ERBB4: variants seen among roughly 807,000 people sequenced by gnomAD.
ERBB4 encodes the protein erb-b2 receptor tyrosine kinase 4.
ERBB4 carries 42 observed loss-of-function variants against 158.0 expected under a neutral mutation model. The observed-to-expected ratio is 0.27, with a 90% confidence interval of 0.21 to 0.34. ERBB4 has a LOEUF of 0.34. Ranked by LOEUF, ERBB4 falls within the 10% of genes least tolerant of loss-of-function variation. The pLI, the probability that ERBB4 is intolerant of heterozygous loss-of-function variation, is 1.00. For synonymous variants in ERBB4, 583 were observed against 558.7 expected, an observed-to-expected ratio of 1.04 and a Z score of -0.61; for missense variants, 1,333 against 1,624.1, an observed-to-expected ratio of 0.82 and a Z score of 3.08.
intron 13 of ERBB4, 81 bp from the exon 14 acceptor site, chr2:211,673,338 C>T (rs1460937306): frequency 1.4e-5 from 14 of 966,876 alleles, no homozygotes; most frequent in Non-Finnish European, 2.3e-5. Context: ...GCTAAAAGTC[C>T]TATTGGCAGA....
intron 2 of ERBB4, among the ~76,000 whole-genome samples, chr2:212,067,192 T>A (rs2077971762): frequency 6.6e-6 from 1 of 152,022 alleles, no homozygotes; most frequent in African/African-American, 2.4e-5. Flanking sequence ...ATATTTTTAT[T>A]TTCATGACAT....
At chr2:212,236,412 G>T (rs6727639) in intron 1 of ERBB4, among the ~76,000 whole-genome samples, 72,494 of 152,018 alleles carry the variant, frequency 0.48, 17,709 homozygotes, top group East Asian at 0.76. Flanking sequence ...ATCTGGGATA[G>T]TGGCCTGAAA....
chr2:211,564,905 T>C (rs1355785918), intron 19 of ERBB4, among the ~76,000 whole-genome samples: 1 of 152,174 alleles, frequency 6.6e-6, no homozygotes, highest in Non-Finnish European at 1.5e-5. Context: ...TAAGAAAGTA[T>C]TTATTTTTCT....
chr2:211,864,301 C>T (rs1221685584), intron 3 of ERBB4, among the ~76,000 whole-genome samples: 1 of 152,142 alleles, frequency 6.6e-6, no homozygotes. Context: ...GAGCCCATCC[C>T]TTGTCTTTTG....
intron 2 of ERBB4, among the ~76,000 whole-genome samples, chr2:212,085,285 G>C (rs1192295083): frequency 6.6e-6 from 1 of 151,894 alleles, no homozygotes; most frequent in African/African-American, 2.4e-5. Flanking sequence ...TAAGGCCAGA[G>C]TGTAACATTA....
intron 2 of ERBB4, among the ~76,000 whole-genome samples, chr2:212,031,199 A>G (rs2076895425): frequency 6.6e-6 from 1 of 152,148 alleles, no homozygotes; most frequent in South Asian, 2.1e-4. Flanking sequence ...TTGTTTTTCA[A>G]GATCCCAGAT....
intron 3 of ERBB4, among the ~76,000 whole-genome samples, chr2:211,841,836 G>A (rs1455977352): frequency 6.6e-6 from 1 of 152,032 alleles, no homozygotes; most frequent in Admixed American, 6.6e-5. Flanking sequence ...GCACCTGCTA[G>A]GTATTCATCA....
At chr2:212,140,401 C>A (rs1012354778) in intron 1 of ERBB4, among the ~76,000 whole-genome samples, 1 of 133,992 alleles carries the variant, frequency 7.5e-6, no homozygotes, top group Non-Finnish European at 1.5e-5. Flanking sequence ...ATAGTAATAT[C>A]TATATATATT....
intron 12 of ERBB4, among the ~76,000 whole-genome samples, chr2:211,680,487 G>A (rs2072289047): frequency 6.6e-6 from 1 of 152,120 alleles, no homozygotes; most frequent in African/African-American, 2.4e-5. Context: ...TACTTATTAT[G>A]AGATGTAAAA....
intron 2 of ERBB4, among the ~76,000 whole-genome samples, chr2:212,118,715 T>A (rs866524801): frequency 3.8e-4 from 50 of 130,398 alleles, no homozygotes; most frequent in Middle Eastern, 3.6e-3. Flanking sequence ...TCTCCAAAGT[T>A]TTTTTAAAAA....
At chr2:212,352,913 ATTTAC>A (rs1447377547) in intron 1 of ERBB4, among the ~76,000 whole-genome samples, 1 of 152,082 alleles carries the variant, frequency 6.6e-6, no homozygotes, top group Non-Finnish European at 1.5e-5. Context: ...TTGAATTATA[ATTTAC>A]TTTAACAGTA....
chr2:212,216,671 C>A (rs1171198334), intron 1 of ERBB4, among the ~76,000 whole-genome samples: 2 of 151,422 alleles, frequency 1.3e-5, no homozygotes, highest in South Asian at 4.2e-4. Context: ...GAGTGTCAAA[C>A]TTCTATTGAT....
intron 1 of ERBB4, among the ~76,000 whole-genome samples, chr2:212,141,371 C>A (rs2080470771): frequency 6.6e-6 from 1 of 151,886 alleles, no homozygotes; most frequent in Admixed American, 6.6e-5. Context: ...CCATTTGTGA[C>A]CCATTCCCTT....
intron 2 of ERBB4, among the ~76,000 whole-genome samples, chr2:212,046,107 T>A (rs1391985964): frequency 1.3e-5 from 2 of 152,112 alleles, no homozygotes; most frequent in African/African-American, 4.8e-5. Context: ...CCATGTTAAT[T>A]TTTTTCAGAC....
Position 212,000,405 on chromosome 2 carries a change from A to G in ERBB4, c.235-52789T>C, listed in dbSNP as rs139047128. Reference sequence around the variant, plus strand: ...AATATTAATTGGATGCTACTTCAGCAGATTTCTTATACTGATAGTTAAGAA... The same window carrying G: ...AATATTAATTGGATGCTACTTCAGCGGATTTCTTATACTGATAGTTAAGAA... On this transcript the variant is annotated intron_variant, in intron 2 of 27. Coordinates refer to ENST00000342788, the MANE Select transcript of ERBB4 (RefSeq NM_005235.3). 1.1e-4 allele frequency among the ~76,000 whole-genome samples: 17 copies of G among 152,034 alleles called. No homozygotes were observed. The East Asian group carries it at 3.1e-3, about 28-fold the overall frequency.
intron 2 of ERBB4, among the ~76,000 whole-genome samples, chr2:212,083,040 T>C (rs2078492977): frequency 6.6e-6 from 1 of 151,982 alleles, no homozygotes; most frequent in African/African-American, 2.4e-5. Context: ...TAGTATCATA[T>C]ATGTTCTCAC....
chr2:212,070,898 T>C (rs1205583696), intron 2 of ERBB4, among the ~76,000 whole-genome samples: 1 of 151,982 alleles, frequency 6.6e-6, no homozygotes, highest in Non-Finnish European at 1.5e-5. Flanking sequence ...ATCTGAAATG[T>C]CCCCGTTTTC....
chr2:211,701,683 G>A (rs375381627), intron 12 of ERBB4, among the ~76,000 whole-genome samples: 4 of 148,340 alleles, frequency 2.7e-5, no homozygotes, highest in East Asian at 2.0e-4. Flanking sequence ...GTGAACCTGG[G>A]AGGCGGAGCT....
intron 20 of ERBB4, among the ~76,000 whole-genome samples, chr2:211,518,822 T>A (rs2066111545): frequency 6.6e-6 from 1 of 152,120 alleles, no homozygotes; most frequent in Non-Finnish European, 1.5e-5. Flanking sequence ...TTAAAGGGGT[T>A]TTTTTGTCAG....
Sources: allele counts gnomAD v4.1 joint callset (sites outside exome capture counted in the v4.1 genomes callset), GRCh38; gene constraint gnomAD v4.1.1; transcripts MANE v1.5; gene names NCBI Gene and HGNC (gene_info 2026-07-23, HGNC 2026-07-21).